The following BMPR1B variants were observed in gnomAD, a reference collection of about 807,000 sequenced individuals.
The protein encoded by BMPR1B is bone morphogenetic protein receptor type-1B.
Under a neutral mutation model 59.1 loss-of-function variants are expected in BMPR1B, and 12 were observed. The observed-to-expected ratio is 0.20, with a 90% confidence interval of 0.13 to 0.33. The LOEUF (loss-of-function observed/expected upper bound fraction) is 0.33, where lower values mean the gene tolerates loss of function less well. BMPR1B is among the 10% of genes least tolerant of loss of function. The pLI is 1.00. For missense variants in BMPR1B, 550 were observed against 610.9 expected (o/e 0.90, Z 1.05); for synonymous variants, 237 against 207.3 (o/e 1.14, Z -1.23).
In BMPR1B at chr4:94,850,630, C is replaced by T. The variant is rs572175330; in HGVS notation, c.-182-25201C>T. Among the ~76,000 whole-genome samples the T allele has an allele frequency of 2.7e-4, 41 of 152,252 alleles. 1 individual carries two copies. In the South Asian group the frequency reaches 3.5e-3, roughly 13 times the overall value. On this transcript the variant is annotated intron_variant, in intron 1 of 12. Transcript: ENST00000515059. ...TTTTTCCCATTGAATTTCTATCCTTCATCCTGTGCATGAATCTTTTGGGCA... is the reference window on the plus strand; with the variant it reads ...TTTTTCCCATTGAATTTCTATCCTTTATCCTGTGCATGAATCTTTTGGGCA...
At chr4:94,812,290 A>G (rs1723847788) in intron 1 of BMPR1B, among the ~76,000 whole-genome samples, 2 of 152,190 alleles carry the variant, frequency 1.3e-5, no homozygotes, top group Non-Finnish European at 2.9e-5. Flanking sequence ...TTAAGAGAAA[A>G]TATAACATAT....
chr4:94,860,409 C>T (rs904943434), intron 1 of BMPR1B, among the ~76,000 whole-genome samples: 2 of 152,124 alleles, frequency 1.3e-5, no homozygotes, highest in African/African-American at 4.8e-5. Flanking sequence ...TTACAGAAGA[C>T]ATTTCTTGAT....
At chr4:94,952,378 A>G (rs989756419) in intron 2 of BMPR1B, among the ~76,000 whole-genome samples, 3 of 151,894 alleles carry the variant, frequency 2.0e-5, no homozygotes, top group African/African-American at 7.3e-5. Flanking sequence ...ATCTTTCCCA[A>G]TTTCTCCTGT....
At chr4:95,101,116 A>G (rs1362613892) in intron 3 of BMPR1B, among the ~76,000 whole-genome samples, 1 of 152,124 alleles carries the variant, frequency 6.6e-6, no homozygotes, top group African/African-American at 2.4e-5. Flanking sequence ...AACTCACAAG[A>G]TTACTATCTT....
At chr4:95,116,421 G>GCTCACACACA in intron 6 of BMPR1B, among the ~76,000 whole-genome samples, 1 of 123,198 alleles carries the variant, frequency 8.1e-6, no homozygotes, top group Non-Finnish European at 1.6e-5. Flanking sequence ...TTCAGCGCGC[G>GCTCACACACA]CACACACACA....
intron 3 of BMPR1B, among the ~76,000 whole-genome samples, chr4:95,097,577 C>T (rs1035194945): frequency 2.6e-5 from 4 of 152,092 alleles, no homozygotes; most frequent in Admixed American, 1.3e-4. Flanking sequence ...CTCGATCTGT[C>T]GCCAGGCTGG....
At chr4:94,799,249 A>G (rs1042542615) in intron 1 of BMPR1B, among the ~76,000 whole-genome samples, 14 of 149,516 alleles carry the variant, frequency 9.4e-5, no homozygotes, top group African/African-American at 3.5e-4. Flanking sequence ...GAATTCACAG[A>G]GACTTCATTG....
chr4:94,990,317 T>A (rs1721654324), intron 2 of BMPR1B, among the ~76,000 whole-genome samples: 2 of 152,062 alleles, frequency 1.3e-5, no homozygotes, highest in South Asian at 4.1e-4. Context: ...ATCATGCCAC[T>A]GCACTCCAGC....
At position 95,042,096 on chromosome 4, in the gene BMPR1B, T is replaced by A. The variant is rs560559133; in HGVS notation, c.-18+45962T>A. ...TGGTCTCGATCTCCTGACCTCGTGA[T>A]CCACCCGCCTCGGCCTCCCAAAGTG... On this transcript the variant is annotated intron_variant, in intron 3 of 12. Coordinates refer to ENST00000515059, the MANE Select transcript of BMPR1B (RefSeq NM_001203.3). Among the ~76,000 whole-genome samples the A allele has an allele frequency of 7.0e-4, 107 of 152,308 alleles. No homozygotes were observed. In the Middle Eastern group the frequency reaches 0.01, roughly 15 times the overall value.
intron 8 of BMPR1B, among the ~76,000 whole-genome samples, chr4:95,126,138 C>T (rs998079586): frequency 6.6e-6 from 1 of 152,102 alleles, no homozygotes. Context: ...TTATTTTTAG[C>T]ACTAATAATG....
chr4:95,089,893 A>C (rs1729856433), intron 3 of BMPR1B, among the ~76,000 whole-genome samples: 1 of 152,158 alleles, frequency 6.6e-6, no homozygotes, highest in Non-Finnish European at 1.5e-5. Context: ...ACATATATCC[A>C]GGTTCCAATT....
At chr4:95,095,100 A>G (rs1730270409) in intron 3 of BMPR1B, among the ~76,000 whole-genome samples, 1 of 151,920 alleles carries the variant, frequency 6.6e-6, no homozygotes, top group South Asian at 2.1e-4. Flanking sequence ...TTTATTTGAA[A>G]GTACTTTAGT....
intron 8 of BMPR1B, among the ~76,000 whole-genome samples, chr4:95,127,071 T>TG (rs70946593): frequency 6.6e-6 from 1 of 151,590 alleles, no homozygotes; most frequent in Non-Finnish European, 1.5e-5. Context: ...TGTGTGTGTG[T>TG]TCTGTGTATG....
At chr4:95,043,456 A>G (rs1725816074) in intron 3 of BMPR1B, among the ~76,000 whole-genome samples, 2 of 152,156 alleles carry the variant, frequency 1.3e-5, no homozygotes, top group African/African-American at 4.8e-5. Flanking sequence ...CTACTCTTTT[A>G]ATGTTCATTG....
At position 95,075,684 on chromosome 4, in the gene BMPR1B, G is replaced by A. The variant is rs527468670; in HGVS notation, c.-17-28724G>A. ...GGCCTGCCTTTTGGTTTATATTACC[G>A]TAAGGCTTCTGTCTCTCATATTTTT... On this transcript the variant is annotated intron_variant, in intron 3 of 12. Transcript: ENST00000515059. Among the ~76,000 whole-genome samples, 9 of 152,158 alleles carry A rather than the reference G, an allele frequency of 5.9e-5. No individual in the cohort carries two copies. The South Asian group carries it at 6.2e-4, about 11-fold the overall frequency.
chr4:95,000,563 C>T (rs1370005222), intron 3 of BMPR1B, among the ~76,000 whole-genome samples: 1 of 151,426 alleles, frequency 6.6e-6, no homozygotes, highest in Non-Finnish European at 1.5e-5. Context: ...GAGAAAGTGC[C>T]TTAGCAAAGA....
chr4:94,811,120 G>A (rs1578670705), intron 1 of BMPR1B, among the ~76,000 whole-genome samples: 1 of 152,208 alleles, frequency 6.6e-6, no homozygotes, highest in East Asian at 1.9e-4. Flanking sequence ...CATAGCAGGT[G>A]TATCTCAAAA....
chr4:95,033,270 T>G (rs1241190410), intron 3 of BMPR1B, among the ~76,000 whole-genome samples: 1 of 152,000 alleles, frequency 6.6e-6, no homozygotes, highest in Non-Finnish European at 1.5e-5. Context: ...ATCCTTTGCA[T>G]AGAAGTTTTT....
At chr4:94,968,413 T>G (rs1730640990) in intron 2 of BMPR1B, among the ~76,000 whole-genome samples, 1 of 152,138 alleles carries the variant, frequency 6.6e-6, no homozygotes, top group African/African-American at 2.4e-5. Flanking sequence ...GTGTTGTAGT[T>G]TAAACATTTT....
Sources: gnomAD v4.1 joint callset for allele counts (sites outside exome capture counted in the v4.1 genomes callset) on GRCh38, gnomAD v4.1.1 for gene constraint, MANE v1.5 for transcripts, NCBI Gene and HGNC (gene_info 2026-07-23, HGNC 2026-07-21) for gene names.